The following SLC4A10 variants were observed in gnomAD, a reference collection of about 807,000 sequenced individuals.
The protein encoded by SLC4A10 is sodium-driven chloride bicarbonate exchanger.
Under a neutral mutation model 137.7 loss-of-function variants are expected in SLC4A10, and 42 were observed. That is an observed-to-expected ratio of 0.30 (90% CI 0.24 to 0.39). The LOEUF (loss-of-function observed/expected upper bound fraction) is 0.39. SLC4A10 is among the 10% of genes least tolerant of loss of function. SLC4A10 has a pLI of 1.00. For missense variants in SLC4A10, 925 were observed against 1,355.0 expected (o/e 0.68, Z 4.98); for synonymous variants, 474 against 464.1 (o/e 1.02, Z -0.27).
intron 1 of SLC4A10, among the ~76,000 whole-genome samples, chr2:161,767,533 T>A (rs546666666): frequency 6.6e-6 from 1 of 151,948 alleles, no homozygotes; most frequent in African/African-American, 2.4e-5. Context: ...TGTCTAAGAA[T>A]GGTGGAACTT....
chr2:161,817,731 T>C (rs1229538754), intron 3 of SLC4A10, among the ~76,000 whole-genome samples: 4 of 152,166 alleles, frequency 2.6e-5, no homozygotes, highest in Non-Finnish European at 4.4e-5. Flanking sequence ...ATTTATTAAA[T>C]AGGGAATTCT....
chr2:161,856,574 T>C (rs1193447681), intron 5 of SLC4A10, among the ~76,000 whole-genome samples: 1 of 151,932 alleles, frequency 6.6e-6, no homozygotes, highest in Non-Finnish European at 1.5e-5. Context: ...CAAGAGAAAA[T>C]AGAGAAAATG....
intron 26 of SLC4A10, among the ~76,000 whole-genome samples, chr2:161,980,558 A>C (rs1207921723): frequency 1.3e-5 from 2 of 152,182 alleles, no homozygotes; most frequent in African/African-American, 4.8e-5. Flanking sequence ...CTGAGGCAGG[A>C]GAATCCCTTC....
intron 26 of SLC4A10, among the ~76,000 whole-genome samples, chr2:161,981,106 A>T (rs1700160144): frequency 1.3e-5 from 2 of 152,264 alleles, no homozygotes; most frequent in African/African-American, 4.8e-5. Context: ...GTAACCAAAC[A>T]ACCAAAGCAG....
Position 161,903,998 on chromosome 2 carries a change from T to C in SLC4A10, c.1443-6T>C. On this transcript the variant is annotated splice_polypyrimidine_tract_variant and splice_region_variant and intron_variant, in intron 12 of 26. Coordinates refer to ENST00000446997, the MANE Select transcript of SLC4A10 (RefSeq NM_001178015.2). The stretch of plus-strand genomic sequence containing the variant: ...TTTCACTATTGTGTTTTCCCCCCTG[T>C]CTTAGGATTTTTGGGGGACTTATTT... 6.4e-7 allele frequency: 1 copy of C among 1,563,206 alleles called. No homozygotes were observed. The highest frequency in any genetic ancestry group is 8.7e-7 in the Non-Finnish European group (1 of 1,152,340).
chr2:161,834,878 T>C (rs1162881208), intron 3 of SLC4A10, among the ~76,000 whole-genome samples: 1 of 152,134 alleles, frequency 6.6e-6, no homozygotes, highest in Non-Finnish European at 1.5e-5. Flanking sequence ...TTATCTGAAC[T>C]GAACTGAGAA....
chr2:161,929,579 A>G (rs1689940906), intron 15 of SLC4A10, among the ~76,000 whole-genome samples: 1 of 152,178 alleles, frequency 6.6e-6, no homozygotes, highest in Non-Finnish European at 1.5e-5. Flanking sequence ...GATGCTCCCG[A>G]TAGATGACAG....
At chr2:161,901,643 G>A (rs1683141345) in intron 12 of SLC4A10, among the ~76,000 whole-genome samples, 1 of 152,004 alleles carries the variant, frequency 6.6e-6, no homozygotes, top group African/African-American at 2.4e-5. Context: ...AAAGGCAGTT[G>A]CAAAGGCTTT....
intron 1 of SLC4A10, among the ~76,000 whole-genome samples, chr2:161,707,519 C>T (rs952319817): frequency 2.7e-5 from 4 of 150,268 alleles, no homozygotes; most frequent in Non-Finnish European, 4.5e-5. Context: ...TTTTGTCACA[C>T]GGTAAAGAGA....
chr2:161,697,114 G>T (rs2042593036), intron 1 of SLC4A10, among the ~76,000 whole-genome samples: 1 of 152,176 alleles, frequency 6.6e-6, no homozygotes, highest in African/African-American at 2.4e-5. Context: ...CTTTTGAGAA[G>T]TGTTTGTTCA....
At chr2:161,627,634 T>C (rs969008069) in intron 1 of SLC4A10, among the ~76,000 whole-genome samples, 2 of 152,104 alleles carry the variant, frequency 1.3e-5, no homozygotes, top group African/African-American at 2.4e-5. Context: ...TCTCTTTTTT[T>C]CCCAGTCCTT....
intron 23 of SLC4A10, among the ~76,000 whole-genome samples, chr2:161,972,369 T>C (rs1390748633): frequency 5.3e-5 from 8 of 152,164 alleles, no homozygotes; most frequent in Non-Finnish European, 8.8e-5. Context: ...CAATATATAT[T>C]ATGCATGTAA....
At chr2:161,660,655 TCTTTC>T (rs2038245172) in intron 1 of SLC4A10, among the ~76,000 whole-genome samples, 4 of 119,510 alleles carry the variant, frequency 3.3e-5, no homozygotes, top group Admixed American at 7.8e-5. Flanking sequence ...TTTCTTTCTT[TCTTTC>T]CTTTTTTTTT....
chr2:161,948,518 G>A (rs923494402), intron 17 of SLC4A10, among the ~76,000 whole-genome samples: 18 of 152,028 alleles, frequency 1.2e-4, no homozygotes, highest in Non-Finnish European at 5.9e-5. Flanking sequence ...TTGTGTGTAT[G>A]TCATAAAGGC....
intron 25 of SLC4A10, chr2:161,977,297 A>G (rs538018195): frequency 7.0e-6 from 3 of 425,744 alleles, no homozygotes; most frequent in Non-Finnish European, 4.7e-6. Context: ...TATATTTAGT[A>G]TAGTTCTAGT....
chr2:161,638,445 A>G (rs769776328), intron 1 of SLC4A10, among the ~76,000 whole-genome samples: 1 of 151,986 alleles, frequency 6.6e-6, no homozygotes, highest in Non-Finnish European at 1.5e-5. Context: ...AAATACGTGG[A>G]TTTGTTTCTG....
chr2:161,959,003 A>G lies in SLC4A10; in HGVS notation c.2862+448A>G, dbSNP rs563611063. Among the ~76,000 whole-genome samples, 80 of 152,314 alleles carry G rather than the reference A, an allele frequency of 5.3e-4. No individual in the cohort carries two copies. The South Asian group carries it at 6.2e-3, about 12-fold the overall frequency. On this transcript the variant is annotated intron_variant, in intron 21 of 26. Coordinates refer to ENST00000446997, the MANE Select transcript of SLC4A10 (RefSeq NM_001178015.2). ...CTGCAGTCAAATAATTAGGTAACCTATGGTATATTCACTGAAAATTGATAA... is the reference window on the plus strand; with the variant it reads ...CTGCAGTCAAATAATTAGGTAACCTGTGGTATATTCACTGAAAATTGATAA...
intron 1 of SLC4A10, among the ~76,000 whole-genome samples, chr2:161,720,515 G>A (rs546154579): frequency 2.2e-4 from 34 of 152,272 alleles, no homozygotes; most frequent in African/African-American, 7.9e-4. Context: ...GGGAGTCTAA[G>A]TCTCTTCATA....
At chr2:161,758,274 G>C (rs1416854525) in intron 1 of SLC4A10, among the ~76,000 whole-genome samples, 1 of 151,698 alleles carries the variant, frequency 6.6e-6, no homozygotes, top group Non-Finnish European at 1.5e-5. Flanking sequence ...CTGTTACTTT[G>C]CTTTTTAAAT....
Sources: gnomAD v4.1 joint callset for allele counts (sites outside exome capture counted in the v4.1 genomes callset) on GRCh38, gnomAD v4.1.1 for gene constraint, MANE v1.5 for transcripts, NCBI Gene and HGNC (gene_info 2026-07-23, HGNC 2026-07-21) for gene names.